The following EDA variants were observed in gnomAD, a reference collection of about 807,000 sequenced individuals.
EDA encodes ectodysplasin A.
EDA carries 2 observed loss-of-function variants against 23.6 expected under a neutral mutation model. The observed-to-expected ratio is 0.08, with a 90% CI of 0.03 to 0.27. The LOEUF (loss-of-function observed/expected upper bound fraction) is 0.27, where lower values mean the gene tolerates loss of function less well. Among genes scored for constraint, EDA ranks in the 10% least tolerant of loss-of-function variants. The pLI, the probability that EDA is intolerant of heterozygous loss-of-function variation, is 1.00. For synonymous variants in EDA, 131 were observed against 132.0 expected (o/e 0.99, Z 0.05); for missense variants, 229 against 324.2 (o/e 0.71, Z 2.26).
At chrX:69,846,295 T>C (rs2017005400) in intron 1 of EDA, among the ~76,000 whole-genome samples, 1 of 110,403 alleles carries the variant, frequency 9.1e-6, no homozygotes, top group African/African-American at 3.3e-5. Context: ...TTTTGGTTTG[T>C]TGTTGTTGTT....
intron 1 of EDA, among the ~76,000 whole-genome samples, chrX:69,899,975 G>A (rs1467698346): frequency 9.0e-6 from 1 of 111,072 alleles, no homozygotes; most frequent in African/African-American, 3.3e-5. Flanking sequence ...TATGACCTTA[G>A]ACAAATTATT....
intron 2 of EDA, among the ~76,000 whole-genome samples, chrX:69,982,587 C>T: frequency 9.0e-6 from 1 of 111,533 alleles, no homozygotes. Context: ...CAGAAATTCA[C>T]TTTTGAGGAT....
intron 1 of EDA, among the ~76,000 whole-genome samples, chrX:69,641,359 T>C (rs1009424127): frequency 9.0e-6 from 1 of 111,107 alleles, no homozygotes; most frequent in African/African-American, 3.3e-5. Flanking sequence ...GTGGGGTGAG[T>C]GGTTGGGAGA....
rs775066830 is a variant in EDA, at chrX:69,873,390, C to CA, written c.397-83634dup. Among the ~76,000 whole-genome samples, 207 of 111,299 alleles carry CA rather than the reference C, an allele frequency of 1.9e-3. 1 individual carries two copies. Among genetic ancestry groups the CA allele is most frequent in the African/African-American group, 6.4e-3 (198 of 30,702 alleles). On this transcript the variant is annotated intron_variant, in intron 1 of 7. Transcript: ENST00000374552. ...AAATCCAGCAAAAGAAAAGAAATAA[C>CA]AAAGATTAGAGCAGAACTAAATGAA...
intron 1 of EDA, among the ~76,000 whole-genome samples, chrX:69,707,477 A>G (rs2011774260): frequency 8.9e-6 from 1 of 111,955 alleles, no homozygotes; most frequent in African/African-American, 3.2e-5. Flanking sequence ...GCTGTTTACG[A>G]TAAAGTCAGA....
chrX:69,758,085 C>T (rs750865108), intron 1 of EDA, among the ~76,000 whole-genome samples: 2 of 112,154 alleles, frequency 1.8e-5, no homozygotes, highest in South Asian at 3.7e-4. Context: ...TGGATGAAGG[C>T]CCTGCTAAAA....
At chrX:69,884,866 CTA>C (rs1360737887) in intron 1 of EDA, among the ~76,000 whole-genome samples, 2 of 112,081 alleles carry the variant, frequency 1.8e-5, no homozygotes, top group African/African-American at 6.5e-5. Context: ...TATAGTTACT[CTA>C]TGTTTCACTT....
intron 1 of EDA, among the ~76,000 whole-genome samples, chrX:69,653,478 G>T (rs1933173027): frequency 9.0e-6 from 1 of 110,755 alleles, no homozygotes; most frequent in Non-Finnish European, 1.9e-5. Context: ...TCCTTCTCCT[G>T]CCTGATTGCC....
At chrX:69,755,696 C>T (rs1479218121) in intron 1 of EDA, among the ~76,000 whole-genome samples, 4 of 112,712 alleles carry the variant, frequency 3.5e-5, no homozygotes, top group African/African-American at 9.7e-5. Context: ...CCTCCTTGAG[C>T]TTTGGTGGGC....
chrX:69,745,544 G>A (rs937153908), intron 1 of EDA, among the ~76,000 whole-genome samples: 20 of 111,168 alleles, frequency 1.8e-4, no homozygotes, highest in Admixed American at 2.9e-4. Flanking sequence ...CTGTGTTCTG[G>A]TTCATCAAAG....
intron 1 of EDA, among the ~76,000 whole-genome samples, chrX:69,893,791 TTTG>T (rs2017968148): frequency 8.9e-6 from 1 of 112,116 alleles, no homozygotes; most frequent in Non-Finnish European, 1.9e-5. Context: ...AAGAAAAGAT[TTTG>T]TTGTTGTTCA....
chrX:69,865,454 G>A (rs1369348242), intron 1 of EDA, among the ~76,000 whole-genome samples: 3 of 111,062 alleles, frequency 2.7e-5, no homozygotes, highest in Non-Finnish European at 3.8e-5. Context: ...CATCCAGCAC[G>A]AGAGAAAGAT....
At chrX:69,971,029 C>A (rs187256506) in intron 2 of EDA, among the ~76,000 whole-genome samples, 90 of 112,128 alleles carry the variant, frequency 8.0e-4, no homozygotes, top group Non-Finnish European at 2.1e-4. Context: ...ATATGCTAAA[C>A]ATAAAAATGA....
At chrX:69,709,474 A>C (rs2147324663) in intron 1 of EDA, among the ~76,000 whole-genome samples, 1 of 111,756 alleles carries the variant, frequency 8.9e-6, no homozygotes, top group African/African-American at 3.2e-5. Flanking sequence ...GACTCTATAA[A>C]GCTATTCTGA....
At chrX:69,694,767 T>C (rs1359427827) in intron 1 of EDA, among the ~76,000 whole-genome samples, 5 of 112,305 alleles carry the variant, frequency 4.5e-5, no homozygotes, top group African/African-American at 1.6e-4. Flanking sequence ...TTCTATGTAT[T>C]TTATACAATT....
At chrX:70,024,184 G>T (rs1220246174) in intron 3 of EDA, among the ~76,000 whole-genome samples, 2 of 112,746 alleles carry the variant, frequency 1.8e-5, no homozygotes, top group African/African-American at 3.2e-5. Flanking sequence ...TGTGTGATAA[G>T]ATTTATGGAG....
At chrX:70,002,473 C>G (rs1197239402) in intron 2 of EDA, among the ~76,000 whole-genome samples, 3 of 111,713 alleles carry the variant, frequency 2.7e-5, no homozygotes, top group African/African-American at 6.5e-5. Context: ...TAAGTTATGT[C>G]ACCATGAACC....
chrX:69,838,710 G>T (rs1333433079), intron 1 of EDA, among the ~76,000 whole-genome samples: 1 of 112,723 alleles, frequency 8.9e-6, no homozygotes, highest in Non-Finnish European at 1.9e-5. Flanking sequence ...CAGCGTTATG[G>T]TAAAGTGGAC....
intron 1 of EDA, among the ~76,000 whole-genome samples, chrX:69,715,645 G>C (rs952214502): frequency 6.3e-5 from 7 of 110,963 alleles, no homozygotes; most frequent in Non-Finnish European, 1.1e-4. Flanking sequence ...GTAGTTCTTT[G>C]AGGAATTGCC....
Sources: gnomAD v4.1 joint callset for allele counts (sites outside exome capture counted in the v4.1 genomes callset) on GRCh38, gnomAD v4.1.1 for gene constraint, MANE v1.5 for transcripts, NCBI Gene and HGNC (gene_info 2026-07-23, HGNC 2026-07-21) for gene names.